The following NMNAT3 variants were observed in gnomAD, a reference collection of about 807,000 sequenced individuals.
NMNAT3 encodes nicotinamide nucleotide adenylyltransferase 3.
A neutral mutation model predicts 24.8 loss-of-function variants in NMNAT3; 21 were observed. The observed-to-expected ratio is 0.85, with a 90% CI of 0.60 to 1.22. The LOEUF is 1.22. Ranked by LOEUF, NMNAT3 falls within the 50% of genes most tolerant of loss-of-function variation. The pLI, the probability that NMNAT3 is intolerant of heterozygous loss-of-function variation, is 0.00. For missense variants in NMNAT3, 387 were observed against 436.6 expected, an observed-to-expected ratio of 0.89 and a Z score of 1.01; for synonymous variants, 136 against 155.2, an observed-to-expected ratio of 0.88 and a Z score of 0.92.
intron 5 of NMNAT3, chr3:139,577,730 TAAA>T (rs1939550161): frequency 6.6e-6 from 1 of 152,164 alleles, no homozygotes; most frequent in Non-Finnish European, 1.5e-5. Context: ...CATTAAAAAA[TAAA>T]GAAGAGCATG....
At chr3:139,620,902 T>C (rs1319830973) in intron 3 of NMNAT3, among the ~76,000 whole-genome samples, 1 of 152,210 alleles carries the variant, frequency 6.6e-6, no homozygotes, top group Non-Finnish European at 1.5e-5. Flanking sequence ...CATGTAATCC[T>C]CTTGCCTCAG....
chr3:139,622,780 GATATATA>G, intron 3 of NMNAT3, among the ~76,000 whole-genome samples: 1 of 135,868 alleles, frequency 7.4e-6, no homozygotes, highest in Admixed American at 7.9e-5. Flanking sequence ...TCATATATAT[GATATATA>G]TATGATATAT....
At chr3:139,641,305 G>T (rs1186390415) in intron 1 of NMNAT3, among the ~76,000 whole-genome samples, 1 of 152,226 alleles carries the variant, frequency 6.6e-6, no homozygotes, top group East Asian at 1.9e-4. Context: ...AGCTTAATTT[G>T]CTTCTGTGAT....
chr3:139,637,890 A>C (rs1460012412), intron 2 of NMNAT3, 73 bp downstream of exon 2: 2 of 152,158 alleles, frequency 1.3e-5, no homozygotes. Context: ...TGCATAGCAC[A>C]CTGTAAATCC....
rs908397650 is a variant in NMNAT3, at chr3:139,647,770, GT to G, written c.-140-9709del. ...TGAATGCAGCCCTGCTGATGCCTTG[GT>G]TTTGGCTCAGGGATACTGATTTCGA... is the stretch of plus-strand genomic sequence containing the variant. On this transcript the variant is annotated intron_variant, in intron 1 of 6. Coordinates refer to ENST00000643695, the MANE Select transcript of NMNAT3 (RefSeq NM_001320510.2). Among the ~76,000 whole-genome samples, 143 of 152,278 alleles carry G rather than the reference GT, an allele frequency of 9.4e-4. 1 individual carries two copies. The highest frequency in any genetic ancestry group is 3.4e-3 in the African/African-American group (142 of 41,564).
At chr3:139,622,627 C>T (rs944644239) in intron 3 of NMNAT3, among the ~76,000 whole-genome samples, 11 of 150,488 alleles carry the variant, frequency 7.3e-5, no homozygotes, top group African/African-American at 2.4e-4. Flanking sequence ...CTCAGCTACT[C>T]GGGAGACTGA....
At chr3:139,644,575 G>C (rs1411698481) in intron 1 of NMNAT3, among the ~76,000 whole-genome samples, 1 of 152,172 alleles carries the variant, frequency 6.6e-6, no homozygotes, top group Non-Finnish European at 1.5e-5. Flanking sequence ...AGTTGTATAG[G>C]CTGAGGAGTA....
intron 3 of NMNAT3, among the ~76,000 whole-genome samples, chr3:139,620,959 A>AT (rs796386715): frequency 2.1e-4 from 32 of 151,282 alleles, no homozygotes; most frequent in African/African-American, 6.3e-4. Context: ...ATGCTTGGCT[A>AT]TTTTTTTTTC....
chr3:139,626,852 G>C (rs545522714), intron 3 of NMNAT3, among the ~76,000 whole-genome samples: 1 of 151,874 alleles, frequency 6.6e-6, no homozygotes, highest in South Asian at 2.1e-4. Flanking sequence ...GATGGATTCT[G>C]GTATAAAAAC....
At chr3:139,570,717 G>A (rs1356351901) in intron 6 of NMNAT3, 2 of 152,610 alleles carry the variant, frequency 1.3e-5, no homozygotes, top group Non-Finnish European at 2.9e-5. Context: ...TTGTCTCAGA[G>A]GAGTACTCGG....
chr3:139,592,173 C>A (rs2054223404), intron 3 of NMNAT3, among the ~76,000 whole-genome samples: 1 of 152,080 alleles, frequency 6.6e-6, no homozygotes, highest in Non-Finnish European at 1.5e-5. Context: ...GTGAAGAATG[C>A]AGAAGCCTCA....
At chr3:139,578,841 G>A (rs1408565942) in intron 5 of NMNAT3, 31 bp downstream of exon 5, 9 of 1,580,980 alleles carry the variant, frequency 5.7e-6, no homozygotes, top group Non-Finnish European at 7.8e-6. Flanking sequence ...CGTGGCCCCT[G>A]GTCATCACAC....
intron 3 of NMNAT3, among the ~76,000 whole-genome samples, chr3:139,601,061 G>A (rs1423536610): frequency 1.3e-5 from 2 of 152,208 alleles, no homozygotes; most frequent in Non-Finnish European, 2.9e-5. Context: ...TAGGAAGAAA[G>A]GCAGCCAGGG....
intron 2 of NMNAT3, among the ~76,000 whole-genome samples, chr3:139,629,767 G>A (rs371487336): frequency 2.0e-5 from 3 of 152,266 alleles, no homozygotes; most frequent in South Asian, 2.1e-4. Context: ...ACTTCTTTGT[G>A]AGATCTTCAT....
At chr3:139,621,827 A>G (rs969399207) in intron 3 of NMNAT3, among the ~76,000 whole-genome samples, 2 of 152,192 alleles carry the variant, frequency 1.3e-5, no homozygotes, top group African/African-American at 4.8e-5. Flanking sequence ...TCCACATATA[A>G]GTGAGATCCA....
chr3:139,594,472 A>G (rs1160922164), intron 3 of NMNAT3, among the ~76,000 whole-genome samples: 1 of 152,240 alleles, frequency 6.6e-6, no homozygotes, highest in Non-Finnish European at 1.5e-5. Context: ...TGAGGCCAGC[A>G]TCATCCTGAT....
chr3:139,579,306 C>T (rs1167686536), intron 4 of NMNAT3, among the ~76,000 whole-genome samples: 1 of 152,172 alleles, frequency 6.6e-6, no homozygotes, highest in African/African-American at 2.4e-5. Flanking sequence ...TCTGCTGAGA[C>T]AAAGGCTGTG....
chr3:139,631,343 C>T (rs577917308), intron 2 of NMNAT3, among the ~76,000 whole-genome samples: 44 of 152,254 alleles, frequency 2.9e-4, no homozygotes, highest in Middle Eastern at 3.4e-3. Context: ...GGAATCACTC[C>T]AGGGATCCAC....
chr3:139,658,559 A>G (rs1046494202), intron 1 of NMNAT3, among the ~76,000 whole-genome samples: 4 of 152,244 alleles, frequency 2.6e-5, no homozygotes, highest in Non-Finnish European at 5.9e-5. Flanking sequence ...AAGTCAAAAG[A>G]ATTTTAAAGT....
Sources: allele counts gnomAD v4.1 joint callset (sites outside exome capture counted in the v4.1 genomes callset), GRCh38; gene constraint gnomAD v4.1.1; transcripts MANE v1.5; gene names NCBI Gene and HGNC (gene_info 2026-07-23, HGNC 2026-07-21).